KCNIP4: variants seen among roughly 807,000 people sequenced by gnomAD.
KCNIP4 encodes the protein Kv channel-interacting protein 4.
Under a neutral mutation model 34.0 loss-of-function variants are expected in KCNIP4, and 12 were observed. The observed-to-expected ratio is 0.35, with a 90% confidence interval of 0.23 to 0.57. The LOEUF (loss-of-function observed/expected upper bound fraction) is 0.57. Ranked by LOEUF, KCNIP4 falls within the 20% of genes least tolerant of loss-of-function variation. KCNIP4 has a pLI of 0.83. For synonymous variants in KCNIP4, 124 were observed against 102.2 expected (o/e 1.21, Z -1.29); for missense variants, 238 against 311.7 (o/e 0.76, Z 1.78).
At chr4:21,066,061 T>TAAAA (rs1167349541) in intron 1 of KCNIP4, among the ~76,000 whole-genome samples, 1 of 151,512 alleles carries the variant, frequency 6.6e-6, no homozygotes, top group Non-Finnish European at 1.5e-5. Context: ...GACCCTAGGG[T>TAAAA]AAAAACAAAC....
In KCNIP4 at chr4:21,203,525, T is replaced by C. The variant is rs887575559; in HGVS notation, c.62-320816A>G. Among the ~76,000 whole-genome samples, 8 of 152,176 alleles carry C rather than the reference T, an allele frequency of 5.3e-5. 2 individuals are homozygous for C. In the South Asian group the frequency reaches 1.4e-3, roughly 28 times the overall value. On this transcript the variant is annotated intron_variant, in intron 1 of 8. Transcript: ENST00000382152. ...TTGCAATGCCTCATTAAGAATGTTG[T>C]GATTTCTTTTCTGACTGGGTAGACA...
chr4:21,572,152 A>T (rs74943005), intron 1 of KCNIP4, among the ~76,000 whole-genome samples: 6 of 152,110 alleles, frequency 3.9e-5, no homozygotes, highest in Admixed American at 2.6e-4. Flanking sequence ...ATATAAGTAC[A>T]TATCTGTACA....
rs1759463713 is a variant in KCNIP4 at position 21,237,603 on chromosome 4, T to C, written c.62-354894A>G. 2.0e-5 allele frequency among the ~76,000 whole-genome samples: 3 copies of C among 152,058 alleles called. No individual in the cohort carries two copies. The South Asian group carries it at 6.2e-4, about 32-fold the overall frequency. ...ACCATCAGAGAATACTATAAACACCTCTATGCAAATAAACTAGAAAATCTA... is the reference window on the plus strand; with the variant it reads ...ACCATCAGAGAATACTATAAACACCCCTATGCAAATAAACTAGAAAATCTA... On this transcript the variant is annotated intron_variant, in intron 1 of 8. Coordinates refer to ENST00000382152, the MANE Select transcript of KCNIP4 (RefSeq NM_025221.6).
chr4:21,088,511 T>G lies in KCNIP4; in HGVS notation c.62-205802A>C, dbSNP rs529915356. ...TCAACAAAAAGCAAAACTTATGATA[T>G]CAATCTCTTCCATCCTTCTCATTGT... On this transcript the variant is annotated intron_variant, in intron 1 of 8. Transcript: ENST00000382152. Among the ~76,000 whole-genome samples, 23 of 152,250 alleles carry G rather than the reference T, an allele frequency of 1.5e-4. No individual in the cohort carries two copies. The South Asian group carries it at 4.6e-3, about 30-fold the overall frequency.
intron 1 of KCNIP4, among the ~76,000 whole-genome samples, chr4:21,842,353 T>A (rs1326241272): frequency 4.6e-5 from 7 of 152,146 alleles, no homozygotes; most frequent in Non-Finnish European, 1.0e-4. Flanking sequence ...TTTGCTTTTT[T>A]TAAACAGTCT....
chr4:20,984,011 GA>G, intron 1 of KCNIP4: 1 of 1,505,902 alleles, frequency 6.6e-7, no homozygotes, highest in Non-Finnish European at 8.8e-7. Context: ...GTCAGGCTTG[GA>G]ACAAAGACTT....
At chr4:21,814,091 C>T (rs1363601871) in intron 1 of KCNIP4, among the ~76,000 whole-genome samples, 1 of 152,080 alleles carries the variant, frequency 6.6e-6, no homozygotes, top group Non-Finnish European at 1.5e-5. Context: ...GGAACCAACG[C>T]TCCAGGAAGA....
At chr4:21,140,721 T>C (rs1751884828) in intron 1 of KCNIP4, among the ~76,000 whole-genome samples, 1 of 152,152 alleles carries the variant, frequency 6.6e-6, no homozygotes. Flanking sequence ...TTTTTCTGAA[T>C]TTGCCCTGAC....
chr4:20,913,803 C>A (rs956153828), intron 1 of KCNIP4, among the ~76,000 whole-genome samples: 2 of 152,146 alleles, frequency 1.3e-5, no homozygotes, highest in African/African-American at 4.8e-5. Flanking sequence ...TAATAATATA[C>A]CTCACTCATA....
intron 1 of KCNIP4, among the ~76,000 whole-genome samples, chr4:21,862,854 G>A (rs937194964): frequency 1.3e-4 from 20 of 151,922 alleles, no homozygotes; most frequent in African/African-American, 4.3e-4. Context: ...CCAGCTACTC[G>A]GGAGGCTGAG....
intron 3 of KCNIP4, among the ~76,000 whole-genome samples, chr4:20,832,085 T>G (rs952982784): frequency 1.3e-5 from 2 of 152,182 alleles, no homozygotes; most frequent in African/African-American, 4.8e-5. Flanking sequence ...AGCTCCATAT[T>G]GGACCACAAT....
Position 21,729,233 on chromosome 4 carries a change from C to T in KCNIP4, c.61+219338G>A, listed in dbSNP as rs570001367. 4.6e-5 allele frequency among the ~76,000 whole-genome samples: 7 copies of T among 152,210 alleles called. No individual in the cohort carries two copies. The South Asian group carries it at 1.2e-3, about 27-fold the overall frequency. The stretch of plus-strand genomic sequence containing the variant: ...CATTTGGGGTCTAGGTTGCCTTTTG[C>T]TTAGTCACTTTCCACCAACAATATC... On this transcript the variant is annotated intron_variant, in intron 1 of 8. Transcript: ENST00000382152.
At chr4:21,474,403 A>T (rs748285319) in intron 1 of KCNIP4, among the ~76,000 whole-genome samples, 21 of 152,184 alleles carry the variant, frequency 1.4e-4, no homozygotes, top group Non-Finnish European at 2.5e-4. Context: ...CTATAATCAC[A>T]GTGAAACAAA....
At chr4:21,820,635 T>G (rs1722302621) in intron 1 of KCNIP4, among the ~76,000 whole-genome samples, 1 of 152,116 alleles carries the variant, frequency 6.6e-6, no homozygotes. Flanking sequence ...TCAAATGTAA[T>G]TTTAGAACTG....
intron 1 of KCNIP4, among the ~76,000 whole-genome samples, chr4:21,042,066 A>T (rs1192181849): frequency 1.3e-5 from 2 of 152,226 alleles, no homozygotes; most frequent in Non-Finnish European, 2.9e-5. Flanking sequence ...AGTCAATAGC[A>T]TTCTGTCATC....
At chr4:21,703,948 T>C (rs1037084677) in intron 1 of KCNIP4, among the ~76,000 whole-genome samples, 2 of 152,118 alleles carry the variant, frequency 1.3e-5, no homozygotes, top group African/African-American at 2.4e-5. Context: ...AGTTCTCAAG[T>C]TTGTGAGGTA....
intron 1 of KCNIP4, chr4:21,844,550 A>G (rs1275951471): frequency 3.3e-5 from 5 of 152,170 alleles, no homozygotes; most frequent in East Asian, 1.9e-4. Flanking sequence ...TTGCAGTACA[A>G]TGGTGAATGG....
At chr4:20,758,422 C>T (rs1213934836) in intron 4 of KCNIP4, among the ~76,000 whole-genome samples, 1 of 152,114 alleles carries the variant, frequency 6.6e-6, no homozygotes, top group Non-Finnish European at 1.5e-5. Context: ...TTACCTTCTC[C>T]AATCCCCAGA....
In KCNIP4 at chr4:21,661,284, T is replaced by C. The variant is rs76457618; in HGVS notation, c.61+287287A>G. 1.7e-4 allele frequency among the ~76,000 whole-genome samples: 26 copies of C among 152,248 alleles called. No homozygotes were observed. In the East Asian group the frequency reaches 5.0e-3, roughly 29 times the overall value. On this transcript the variant is annotated intron_variant, in intron 1 of 8. Transcript: ENST00000382152. ...CAAGTTTGTGTGACCTGATTCTTCC[T>C]GGACACTGGACAAGAATTTGGGAGG...
Sources: gnomAD v4.1 joint callset for allele counts (sites outside exome capture counted in the v4.1 genomes callset) on GRCh38, gnomAD v4.1.1 for gene constraint, MANE v1.5 for transcripts, NCBI Gene and HGNC (gene_info 2026-07-23, HGNC 2026-07-21) for gene names.